CDH6: variants seen among roughly 807,000 people sequenced by gnomAD.
The protein encoded by CDH6 is cadherin-6.
In CDH6, 31 loss-of-function variants were observed where a neutral mutation model predicts 78.0. The ratio of observed to expected loss-of-function variants is 0.40; its 90% CI spans 0.30 to 0.54. The LOEUF (loss-of-function observed/expected upper bound fraction) is 0.54, where lower values mean the gene tolerates loss of function less well. CDH6 is among the 20% of genes least tolerant of loss of function. The probability of loss-of-function intolerance (pLI) is 0.56; values close to 1 mark genes in which losing one functional copy is unlikely to be tolerated. For synonymous variants in CDH6, 376 were observed against 368.8 expected (o/e 1.02, Z -0.23); for missense variants, 724 against 975.9 (o/e 0.74, Z 3.44).
At chr5:31,309,775 A>G (rs1738092721) in intron 7 of CDH6, among the ~76,000 whole-genome samples, 1 of 152,174 alleles carries the variant, frequency 6.6e-6, no homozygotes, top group South Asian at 2.1e-4. Context: ...GCAGAAGGAG[A>G]AGAGGGAAAG....
At chr5:31,292,062 T>C (rs1743181035) in intron 2 of CDH6, among the ~76,000 whole-genome samples, 3 of 152,220 alleles carry the variant, frequency 2.0e-5, no homozygotes, top group Admixed American at 2.0e-4. Context: ...AGCCTCTTCC[T>C]GCGCTCAAGA....
intron 1 of CDH6, among the ~76,000 whole-genome samples, chr5:31,217,865 T>C (rs889285118): frequency 6.6e-6 from 1 of 152,206 alleles, no homozygotes; most frequent in Non-Finnish European, 1.5e-5. Flanking sequence ...TTAAGCTATA[T>C]TTAGCTTAAA....
At chr5:31,270,793 C>A (rs1280059278) in intron 2 of CDH6, among the ~76,000 whole-genome samples, 2 of 152,028 alleles carry the variant, frequency 1.3e-5, no homozygotes, top group Admixed American at 6.6e-5. Flanking sequence ...ACTTCCTGGG[C>A]TCAAGATGTC....
chr5:31,214,732 C>G (rs1740818343), intron 1 of CDH6, among the ~76,000 whole-genome samples: 2 of 152,112 alleles, frequency 1.3e-5, no homozygotes, highest in East Asian at 3.8e-4. Context: ...GTTTTGGAAC[C>G]TCATAGAAAC....
chr5:31,303,682 A>AT (rs1737895156), intron 6 of CDH6, among the ~76,000 whole-genome samples: 1 of 152,132 alleles, frequency 6.6e-6, no homozygotes, highest in African/African-American at 2.4e-5. Context: ...ATGGTGTAAT[A>AT]TTTTCTCTCT....
rs144758969 is a variant in CDH6 at position 31,309,822 on chromosome 5, T to A, written c.1254-3496T>A. 2.9e-3 allele frequency among the ~76,000 whole-genome samples: 435 copies of A among 152,190 alleles called. 5 individuals are homozygous for A. The highest frequency in any genetic ancestry group is 9.8e-3 in the African/African-American group (409 of 41,526). Reference sequence around the variant, plus strand: ...TGCCACACACTTTTGAACCATCAGATCTCATGAGAACTCACTCACTATCAC... The same window carrying A: ...TGCCACACACTTTTGAACCATCAGAACTCATGAGAACTCACTCACTATCAC... On this transcript the variant is annotated intron_variant, in intron 7 of 11. Transcript: ENST00000265071.
At chr5:31,195,620 A>T (rs79146488) in intron 1 of CDH6, among the ~76,000 whole-genome samples, 2,587 of 152,288 alleles carry the variant, frequency 0.017, 72 homozygotes, top group African/African-American at 0.059. Context: ...GGTATGCTTG[A>T]GCAGATGTCT....
chr5:31,272,352 A>T (rs544391283), intron 2 of CDH6, among the ~76,000 whole-genome samples: 11 of 152,356 alleles, frequency 7.2e-5, no homozygotes, highest in Admixed American at 7.2e-4. Context: ...TTTTTGTACA[A>T]AATCCACTTG....
At chr5:31,301,083 A>G (rs1207884967) in intron 5 of CDH6, among the ~76,000 whole-genome samples, 2 of 152,206 alleles carry the variant, frequency 1.3e-5, no homozygotes, top group East Asian at 1.9e-4. Flanking sequence ...TGATCACGCC[A>G]CTGCACTCCA....
At position 31,316,229 on chromosome 5, in the gene CDH6, G is replaced by A. The variant is rs150163280; in HGVS notation, c.1412G>A (p.Arg471Gln). Residue 471 changes from arginine (R) to glutamine (Q), a missense_variant, in exon 9 of 12, where the codon CGA becomes CAA. By Grantham distance (43) the Arg-to-Gln change is conservative. This residue lies in a region of CDH6 where 446 missense variants were observed against 684.5 expected (regional missense o/e 0.65). Transcript: ENST00000265071. Reference protein sequence around the residue: ...TEINNPKQSSRVPLYIKVLDV... With the variant: ...TEINNPKQSSQVPLYIKVLDV... ...ACAGATAATCCAAAGCAAAGTAGTCGAGTACCTCTATATATTAAAGTTCTA... is the reference window on the plus strand; with the variant it reads ...ACAGATAATCCAAAGCAAAGTAGTCAAGTACCTCTATATATTAAAGTTCTA... The A allele has an allele frequency of 3.2e-5, 51 of 1,609,340 alleles. No homozygotes were observed. The highest frequency in any genetic ancestry group is 8.0e-5 in the African/African-American group (6 of 74,676).
At chr5:31,298,855 T>G (rs1034436870) in intron 4 of CDH6, among the ~76,000 whole-genome samples, 1 of 152,190 alleles carries the variant, frequency 6.6e-6, no homozygotes, top group Non-Finnish European at 1.5e-5. Context: ...ACCTTGAACC[T>G]TAATTCCAAA....
At chr5:31,194,032 G>T (rs894914175) in intron 1 of CDH6, 146 bp downstream of exon 1, 1 of 152,042 alleles carries the variant, frequency 6.6e-6, no homozygotes, top group African/African-American at 2.4e-5. Flanking sequence ...CAGCCTGCGA[G>T]CCCGGGTCGG....
In CDH6 at chr5:31,307,787, G is replaced by A. The variant is rs1458264788; in HGVS notation, c.1253+2360G>A. Among the ~76,000 whole-genome samples, 4 of 152,230 alleles carry A rather than the reference G, an allele frequency of 2.6e-5. No homozygotes were observed. The East Asian group carries it at 5.8e-4, about 22-fold the overall frequency. The stretch of plus-strand genomic sequence containing the variant: ...TCAACTTTTTTTTAATTAAAAGAGA[G>A]AATGTTTTGCGAATTCAGGCAATAT... On this transcript the variant is annotated intron_variant, in intron 7 of 11. Coordinates refer to ENST00000265071, the MANE Select transcript of CDH6 (RefSeq NM_004932.4).
intron 1 of CDH6, among the ~76,000 whole-genome samples, chr5:31,213,207 T>A (rs1307867422): frequency 6.6e-6 from 1 of 152,216 alleles, no homozygotes; most frequent in Non-Finnish European, 1.5e-5. Context: ...TGGGAAAGAA[T>A]GTTAGAACTC....
intron 1 of CDH6, among the ~76,000 whole-genome samples, chr5:31,262,526 C>A (rs1742237856): frequency 6.6e-6 from 1 of 152,174 alleles, no homozygotes; most frequent in Non-Finnish European, 1.5e-5. Context: ...ACGTCCACTG[C>A]TAAACTGTCA....
At chr5:31,287,216 G>A (rs1743035124) in intron 2 of CDH6, among the ~76,000 whole-genome samples, 1 of 152,118 alleles carries the variant, frequency 6.6e-6, no homozygotes, top group Admixed American at 6.5e-5. Context: ...GGGAGACAAG[G>A]ACCAAAGACA....
At chr5:31,252,936 T>C (rs1180225774) in intron 1 of CDH6, among the ~76,000 whole-genome samples, 2 of 152,212 alleles carry the variant, frequency 1.3e-5, no homozygotes, top group East Asian at 3.8e-4. Context: ...TGTAGCAATG[T>C]GCTAAGTGTT....
At chr5:31,195,157 A>G (rs1027455823) in intron 1 of CDH6, among the ~76,000 whole-genome samples, 11 of 152,014 alleles carry the variant, frequency 7.2e-5, no homozygotes, top group African/African-American at 2.7e-4. Context: ...GCGAATCTTC[A>G]CTTTCACTTC....
At position 31,201,885 on chromosome 5, in the gene CDH6, C is replaced by T. The variant is rs112061198; in HGVS notation, c.-129+7999C>T. ...TAATTAAAACTTACAGAGATTAATA[C>T]TAACATTTGGAATACTAATATGATC... On this transcript the variant is annotated intron_variant, in intron 1 of 11. Transcript: ENST00000265071. 6.5e-3 allele frequency among the ~76,000 whole-genome samples: 996 copies of T among 152,246 alleles called. 15 individuals are homozygous for T. The highest frequency in any genetic ancestry group is 0.034 in the Middle Eastern group (10 of 292).
Sources: gnomAD v4.1 joint callset for allele counts (sites outside exome capture counted in the v4.1 genomes callset) on GRCh38, gnomAD v4.1.1 for gene constraint, gnomAD v4.1.1 regional missense constraint, MANE v1.5 for transcripts, NCBI Gene and HGNC (gene_info 2026-07-23, HGNC 2026-07-21) for gene names.